Variants in ACP6 observed in about 807,000 individuals in gnomAD.
ACP6 encodes acid phosphatase 6, lysophosphatidic, also known as lysophosphatidic acid phosphatase type 6.
In ACP6, 48 loss-of-function variants were observed where a neutral mutation model predicts 48.1. The observed-to-expected ratio is 1.00, with a 90% CI of 0.79 to 1.27. The LOEUF (loss-of-function observed/expected upper bound fraction) is 1.27, where lower values mean the gene tolerates loss of function less well. Ranked by LOEUF, ACP6 falls within the 50% of genes most tolerant of loss-of-function variation. ACP6 has a pLI of 0.00. For missense variants in ACP6, 485 were observed against 529.1 expected, an observed-to-expected ratio of 0.92 and a Z score of 0.82; for synonymous variants, 172 against 204.2, an observed-to-expected ratio of 0.84 and a Z score of 1.34.
At chr1:147,647,966 G>A (rs587711174) in intron 9 of ACP6, 9 of 507,746 alleles carry the variant, frequency 1.8e-5, no homozygotes, top group Admixed American at 3.5e-5. Context: ...GCCAGGAGGC[G>A]ACATCCTGAC....
chr1:147,652,376 A>C, intron 7 of ACP6, 73 bp downstream of exon 7: 1 of 1,461,458 alleles, frequency 6.8e-7, no homozygotes, highest in Non-Finnish European at 9.3e-7. Context: ...AGTGGGCCTG[A>C]TGAACTCCTC....
chr1:147,651,092 G>C (rs1415623620), intron 7 of ACP6: 1 of 152,134 alleles, frequency 6.6e-6, no homozygotes, highest in African/African-American at 2.4e-5. Context: ...GTGGTGATTG[G>C]GTAAATGACC....
intron 5 of ACP6, among the ~76,000 whole-genome samples, chr1:147,632,194 A>AAC (rs71584653): frequency 0.025 from 3,678 of 145,954 alleles, 61 homozygotes; most frequent in South Asian, 0.034. Flanking sequence ...ACCTATGCCC[A>AAC]ACACACACAC....
intron 4 of ACP6, among the ~76,000 whole-genome samples, chr1:147,655,645 C>G (rs1660216733): frequency 6.6e-6 from 1 of 152,136 alleles, no homozygotes; most frequent in African/African-American, 2.4e-5. Context: ...AAGTTGCTTC[C>G]TGAAGCCTGA....
downstream of ACP6, among the ~76,000 whole-genome samples, chr1:147,642,007 A>C (rs587635663): frequency 6.6e-6 from 1 of 152,330 alleles, no homozygotes. Context: ...CGTTTCCTTA[A>C]TTGATTCTCA....
At chr1:147,666,582 C>T (rs937286429) in intron 1 of ACP6, among the ~76,000 whole-genome samples, 1 of 152,158 alleles carries the variant, frequency 6.6e-6, no homozygotes, top group Non-Finnish European at 1.5e-5. Flanking sequence ...CTGGGATAAC[C>T]GCATTTGGAT....
chr1:147,636,875 C>A (rs1006997645), intron 5 of ACP6, among the ~76,000 whole-genome samples: 7 of 152,216 alleles, frequency 4.6e-5, no homozygotes, highest in Non-Finnish European at 7.3e-5. Context: ...ACCCCTCTTG[C>A]TGCCCTCCTG....
rs1659599871 is a variant in ACP6, at chr1:147,645,745, A to C, written c.*1678T>G. ...GAACTGGAAGGGAAGAATTAGAGGT[A>C]GCAACTCTTTTGAGGAGTTCTGCTA... On this transcript the variant is annotated 3_prime_UTR_variant, in exon 10 of 10. Coordinates refer to ENST00000583509, the MANE Select transcript of ACP6 (RefSeq NM_016361.5). The C allele has an allele frequency of 6.6e-6, 1 of 152,248 alleles. No homozygotes were observed. Among genetic ancestry groups the C allele is most frequent in the African/African-American group, 2.4e-5 (1 of 41,468 alleles). The allele number at this position is 152,248 out of a possible 1,614,324, so 9.4% of individuals were successfully genotyped here.
At chr1:147,667,917 G>C (rs940213469) in intron 1 of ACP6, among the ~76,000 whole-genome samples, 9 of 151,876 alleles carry the variant, frequency 5.9e-5, no homozygotes, top group African/African-American at 2.2e-4. Flanking sequence ...TTAAACCCGA[G>C]AGGCGGAGGT....
At chr1:147,668,806 T>C (rs1165869951) in intron 1 of ACP6, among the ~76,000 whole-genome samples, 1 of 152,208 alleles carries the variant, frequency 6.6e-6, no homozygotes, top group Admixed American at 6.5e-5. Context: ...TGGAAAATGC[T>C]TTAGAAGTTT....
intron 8 of ACP6, among the ~76,000 whole-genome samples, chr1:147,649,532 C>T (rs901950032): frequency 6.6e-6 from 1 of 151,948 alleles, no homozygotes; most frequent in African/African-American, 2.4e-5. Context: ...GCAACCTCCG[C>T]CTCCTGGGTT....
At chr1:147,665,951 C>CT (rs1660773579) in intron 1 of ACP6, among the ~76,000 whole-genome samples, 1 of 152,174 alleles carries the variant, frequency 6.6e-6, no homozygotes, top group Non-Finnish European at 1.5e-5. Context: ...GTATACCCCT[C>CT]TTCAAGGGGT....
chr1:147,655,616 T>G (rs2236571), intron 4 of ACP6, among the ~76,000 whole-genome samples: 20,370 of 152,052 alleles, frequency 0.13, 1,531 homozygotes, highest in East Asian at 0.33. Context: ...TTCTAATAAA[T>G]AATAGTGTTA....
At position 147,650,195 on chromosome 1, in the gene ACP6, C is replaced by T. The variant is rs192281767; in HGVS notation, c.925G>A (p.Glu309Lys). ...TCCATGGCTTTCAGCAGGTTGCTCT[C>T]TAGGATGTGGAGGAATGGGCCTACT... ...MAVGPFLHIL[E>K]SNLLKAMDSA... The change falls in exon 8 of 10, where the codon GAG (glutamate) becomes AAG (lysine). Residue 309 changes from glutamate (E) to lysine (K), a missense_variant. Transcript: ENST00000583509. The T allele has an allele frequency of 1.3e-4, 203 of 1,606,142 alleles. 1 individual carries two copies. In the East Asian group the frequency reaches 4.5e-3, roughly 36 times the overall value.
At chr1:147,641,405 GACAGTCCT>G, downstream of ACP6, among the ~76,000 whole-genome samples, 1 of 152,324 alleles carries the variant, frequency 6.6e-6, no homozygotes, top group Admixed American at 6.5e-5. Context: ...CTTGTCTAAT[GACAGTCCT>G]TCATCCCAGG....
chr1:147,670,232 G>A lies in ACP6; in HGVS notation c.-184C>T, dbSNP rs1661029144. ...CTGAGGGAGACCCCGAGTGGGAACG[G>A]GGGAGAGAACAAGAGGTGGCAGCAG... On this transcript the variant is annotated 5_prime_UTR_variant, in exon 1 of 10. Coordinates refer to ENST00000583509, the MANE Select transcript of ACP6 (RefSeq NM_016361.5). 1 of 584,890 alleles carries A rather than the reference G, an allele frequency of 1.7e-6. No homozygotes were observed. The highest frequency in any genetic ancestry group is 2.3e-5 in the South Asian group (1 of 43,912). The allele number at this position is 584,890 out of a possible 1,614,324, so 36.2% of individuals were successfully genotyped here.
At chr1:147,668,415 GATATAT>G (rs79430492) in intron 1 of ACP6, among the ~76,000 whole-genome samples, 1 of 146,298 alleles carries the variant, frequency 6.8e-6, no homozygotes, top group African/African-American at 2.5e-5. Context: ...GTGCCTTCAG[GATATAT>G]ATATATATAT....
intron 9 of ACP6, 192 bp downstream of exon 9, chr1:147,648,053 AT>A: frequency 1.6e-6 from 1 of 627,912 alleles, no homozygotes. Flanking sequence ...CTCAAGCCCC[AT>A]CCTGCCACCA....
chr1:147,648,052 C>A, intron 9 of ACP6, 194 bp downstream of exon 9: 1 of 623,346 alleles, frequency 1.6e-6, no homozygotes, highest in Non-Finnish European at 2.8e-6. Flanking sequence ...GCTCAAGCCC[C>A]ATCCTGCCAC....
Sources: allele counts gnomAD v4.1 joint callset (sites outside exome capture counted in the v4.1 genomes callset), GRCh38; gene constraint gnomAD v4.1.1; transcripts MANE v1.5; gene names NCBI Gene and HGNC (gene_info 2026-07-23, HGNC 2026-07-21).